The following GABRG2 variants were observed in gnomAD, a reference collection of about 807,000 sequenced individuals.
GABRG2 encodes gamma-aminobutyric acid type A receptor subunit gamma2.
GABRG2 carries 16 observed loss-of-function variants against 56.4 expected under a neutral mutation model. That is an observed-to-expected ratio of 0.28 (90% CI 0.19 to 0.43). GABRG2 has a LOEUF of 0.43. GABRG2 is among the 20% of genes least tolerant of loss of function. The pLI is 1.00. For missense variants in GABRG2, 327 were observed against 582.7 expected, an observed-to-expected ratio of 0.56 and a Z score of 4.52; for synonymous variants, 208 against 205.5, an observed-to-expected ratio of 1.01 and a Z score of -0.10.
chr5:162,139,533 T>G (rs980446690), intron 6 of GABRG2, among the ~76,000 whole-genome samples: 1 of 152,170 alleles, frequency 6.6e-6, no homozygotes, highest in Non-Finnish European at 1.5e-5. Flanking sequence ...GCCATTACCT[T>G]ATAATAGAAA....
intron 1 of GABRG2, among the ~76,000 whole-genome samples, chr5:162,092,403 A>T (rs1760669767): frequency 6.6e-6 from 1 of 152,188 alleles, no homozygotes; most frequent in African/African-American, 2.4e-5. Context: ...AAAGGAATGA[A>T]AAAAGAGGTT....
intron 8 of GABRG2, chr5:162,151,074 A>G (rs1765337488): frequency 6.6e-6 from 1 of 152,504 alleles, no homozygotes. Context: ...ACAAGTTCTG[A>G]TGAGTCCTTT....
intron 1 of GABRG2, among the ~76,000 whole-genome samples, chr5:162,069,687 T>C (rs1289020841): frequency 6.6e-6 from 1 of 152,194 alleles, no homozygotes; most frequent in Non-Finnish European, 1.5e-5. Flanking sequence ...GATTATAACA[T>C]TTCAGTAGCT....
chr5:162,111,999 G>T (rs1762285913), intron 6 of GABRG2, among the ~76,000 whole-genome samples: 2 of 152,044 alleles, frequency 1.3e-5, no homozygotes, highest in African/African-American at 4.8e-5. Context: ...TTTCATAAAA[G>T]TTATTTACTG....
In GABRG2 at chr5:162,131,260, A is replaced by G. The variant is rs528833607; in HGVS notation, c.770-10904A>G. Among the ~76,000 whole-genome samples, 406 of 152,134 alleles carry G rather than the reference A, an allele frequency of 2.7e-3. 1 individual carries two copies. Among genetic ancestry groups the G allele is most frequent in the Middle Eastern group, 6.8e-3 (2 of 294 alleles). On this transcript the variant is annotated intron_variant, in intron 6 of 9. Coordinates refer to ENST00000639213, the MANE Select transcript of GABRG2 (RefSeq NM_198904.4). ...CCTAAAAGCCTAGTTTCGTGATAAT[A>G]TATCTTTGGAAAATGCTAAGTTAAA...
chr5:162,136,975 G>T (rs1427136876), intron 6 of GABRG2, among the ~76,000 whole-genome samples: 1 of 152,124 alleles, frequency 6.6e-6, no homozygotes, highest in East Asian at 1.9e-4. Flanking sequence ...ACAGGACCTG[G>T]TTGGCAGGAG....
upstream of GABRG2, chr5:162,067,591 TCAAAA>T (rs1200502548): frequency 2.2e-6 from 1 of 456,578 alleles, no homozygotes; most frequent in East Asian, 3.2e-5. Flanking sequence ...AGAAAAAAAA[TCAAAA>T]CAAACAAATA....
chr5:162,116,162 A>G (rs963172373), intron 6 of GABRG2, among the ~76,000 whole-genome samples: 6 of 142,838 alleles, frequency 4.2e-5, no homozygotes, highest in African/African-American at 7.8e-5. Context: ...AGAAAGGATT[A>G]CTCTTGGCCC....
chr5:162,095,168 C>G (rs1760903734), intron 2 of GABRG2, among the ~76,000 whole-genome samples: 1 of 152,038 alleles, frequency 6.6e-6, no homozygotes, highest in Non-Finnish European at 1.5e-5. Flanking sequence ...TTGAAGGAAA[C>G]ATGGTAAAAT....
chr5:162,150,463 G>A (rs1765288534), intron 8 of GABRG2: 1 of 152,196 alleles, frequency 6.6e-6, no homozygotes, highest in Admixed American at 6.5e-5. Flanking sequence ...TAAAGCAACT[G>A]TTTTTTATTG....
chr5:162,070,423 A>C (rs1249390615), intron 1 of GABRG2, among the ~76,000 whole-genome samples: 1 of 152,086 alleles, frequency 6.6e-6, no homozygotes, highest in Non-Finnish European at 1.5e-5. Flanking sequence ...GAGGAAGGAC[A>C]ATAAATAACT....
chr5:162,082,145 G>C (rs1161589742), intron 1 of GABRG2, among the ~76,000 whole-genome samples: 1 of 151,696 alleles, frequency 6.6e-6, no homozygotes, highest in African/African-American at 2.4e-5. Flanking sequence ...GTACCCAATG[G>C]ATATTAGAAA....
At chr5:162,106,706 C>A (rs210989) in intron 6 of GABRG2, among the ~76,000 whole-genome samples, 1 of 152,018 alleles carries the variant, frequency 6.6e-6, no homozygotes, top group Admixed American at 6.6e-5. Context: ...GCCAAATTGC[C>A]ACATAGCTTA....
chr5:162,115,249 T>G (rs943348773), intron 6 of GABRG2, among the ~76,000 whole-genome samples: 1 of 152,112 alleles, frequency 6.6e-6, no homozygotes, highest in African/African-American at 2.4e-5. Context: ...CAAATAAAAA[T>G]CAGACTAGAC....
intron 6 of GABRG2, among the ~76,000 whole-genome samples, chr5:162,125,980 ATGTCT>A (rs1763318579): frequency 6.6e-6 from 1 of 151,958 alleles, no homozygotes; most frequent in Admixed American, 6.6e-5. Context: ...AAAAATAGTA[ATGTCT>A]TGAGTATGCC....
chr5:162,113,742 A>T (rs1340427519), intron 6 of GABRG2, among the ~76,000 whole-genome samples: 2 of 152,234 alleles, frequency 1.3e-5, no homozygotes, highest in Non-Finnish European at 2.9e-5. Context: ...GTTATGTAGT[A>T]TCAAAGACAA....
At chr5:162,103,509 C>T (rs1488421250) in intron 5 of GABRG2, 3 of 197,050 alleles carry the variant, frequency 1.5e-5, no homozygotes, top group Non-Finnish European at 3.2e-5. Flanking sequence ...CAAAATCTTG[C>T]TCTGTTAACT....
At chr5:162,078,392 TATA>T (rs1219613997) in intron 1 of GABRG2, among the ~76,000 whole-genome samples, 503 of 37,300 alleles carry the variant, frequency 0.013, 13 homozygotes, top group African/African-American at 0.033. Context: ...TATATATATA[TATA>T]TATTTTTTTT....
intron 6 of GABRG2, among the ~76,000 whole-genome samples, chr5:162,132,960 G>A (rs1763861870): frequency 1.3e-5 from 2 of 151,984 alleles, no homozygotes; most frequent in Non-Finnish European, 2.9e-5. Context: ...CAGAAATTGA[G>A]TTGAACAAAA....
Sources: gnomAD v4.1 joint callset for allele counts (sites outside exome capture counted in the v4.1 genomes callset) on GRCh38, gnomAD v4.1.1 for gene constraint, MANE v1.5 for transcripts, NCBI Gene and HGNC (gene_info 2026-07-23, HGNC 2026-07-21) for gene names.